TIMD4: variants seen among roughly 807,000 people sequenced by gnomAD.
TIMD4 encodes T-cell immunoglobulin and mucin domain-containing protein 4.
In TIMD4, 31 loss-of-function variants were observed where a neutral mutation model predicts 41.2. That is an observed-to-expected ratio of 0.75 (90% CI 0.57 to 1.01). The LOEUF is 1.01. TIMD4 is among the 50% of genes least tolerant of loss of function. TIMD4 has a pLI of 0.00. For synonymous variants in TIMD4, 204 were observed against 177.1 expected (o/e 1.15, Z -1.21); for missense variants, 479 against 472.5 (o/e 1.01, Z -0.13).
At chr5:156,930,239 G>A (rs549007326) in intron 5 of TIMD4, among the ~76,000 whole-genome samples, 3 of 152,252 alleles carry the variant, frequency 2.0e-5, no homozygotes, top group African/African-American at 7.2e-5. Context: ...GGGATAACAG[G>A]CATGAACCAC....
chr5:156,962,654 G>A (rs1015427682), intron 1 of TIMD4, among the ~76,000 whole-genome samples: 2 of 152,112 alleles, frequency 1.3e-5, no homozygotes, highest in African/African-American at 2.4e-5. Flanking sequence ...AAAACTGAGT[G>A]TGTACACTTG....
chr5:156,947,808 T>C (rs1759771815), intron 5 of TIMD4, among the ~76,000 whole-genome samples: 1 of 152,224 alleles, frequency 6.6e-6, no homozygotes, highest in South Asian at 2.1e-4. Flanking sequence ...ATAACAGTTA[T>C]TATCTCATGG....
At chr5:156,924,055 C>T (rs1759303015) in intron 6 of TIMD4, 2 of 191,902 alleles carry the variant, frequency 1.0e-5, no homozygotes, top group South Asian at 2.0e-4. Context: ...GCCCTGTTGC[C>T]CAGGCTAGAA....
chr5:156,938,960 CTAGCTCCTTAGCTGGCTTAGGAG>C (rs1759589658), intron 5 of TIMD4, among the ~76,000 whole-genome samples: 1 of 152,178 alleles, frequency 6.6e-6, no homozygotes, highest in African/African-American at 2.4e-5. Context: ...GTCTTCCTGT[CTAGCTCCTTAGCTGGCTTAGGAG>C]TAGCTCCTTA....
At position 156,923,143 on chromosome 5, in the gene TIMD4, ATTTTTTTT is replaced by A. The variant is rs375276732; in HGVS notation, c.895-935_895-928del. On this transcript the variant is annotated intron_variant, in intron 6 of 8. Coordinates refer to ENST00000274532, the MANE Select transcript of TIMD4 (RefSeq NM_138379.3). The stretch of plus-strand genomic sequence containing the variant: ...AAGCTCCTGCCATTGCTGGGATTAA[ATTTTTTTT>A]TTTTTTTTTTTTTTTGACACAGAGT... Among the ~76,000 whole-genome samples, 314 of 135,054 alleles carry A rather than the reference ATTTTTTTT, an allele frequency of 2.3e-3. 1 individual carries two copies. Among genetic ancestry groups the A allele is most frequent in the Non-Finnish European group, 3.1e-3 (197 of 62,898 alleles). 88.6% of individuals were successfully genotyped at this position (135,054 alleles called of 152,430 possible).
chr5:156,959,495 T>C (rs1340993533), intron 1 of TIMD4, among the ~76,000 whole-genome samples: 5 of 152,190 alleles, frequency 3.3e-5, no homozygotes, highest in African/African-American at 2.4e-5. Flanking sequence ...AAAGTATCCC[T>C]GAGTAAAGCA....
At chr5:156,948,617 A>C (rs1214762017) in intron 4 of TIMD4, 118 bp from the exon 5 acceptor site, 1 of 475,274 alleles carries the variant, frequency 2.1e-6, no homozygotes, top group Non-Finnish European at 3.4e-6. Flanking sequence ...AAAACAAAAC[A>C]AAGTATGTGC....
rs1190493443 is a variant in TIMD4 at position 156,926,289 on chromosome 5, G to T, written c.868C>A (p.Gln290Lys). Residue 290 changes from glutamine (Q) to lysine (K), a missense_variant, in exon 6 of 9, where the codon CAG (glutamine) becomes AAG (lysine). Physicochemically the swap from Gln to Lys is moderately conservative, Grantham distance 53. Coordinates refer to ENST00000274532, the MANE Select transcript of TIMD4 (RefSeq NM_138379.3). ...PGASDTAVPE[Q>K]NKTTKTGQMD... Reference sequence around the variant, plus strand: ...TGTCCTGTTTTTGTTGTTTTGTTCTGCTCAGGAACTGCTGTATCAGATGCT... The same window carrying T: ...TGTCCTGTTTTTGTTGTTTTGTTCTTCTCAGGAACTGCTGTATCAGATGCT... The T allele has an allele frequency of 6.2e-7, 1 of 1,613,498 alleles. No homozygotes were observed. The highest frequency in any genetic ancestry group is 2.2e-5 in the East Asian group (1 of 44,836).
In TIMD4 at chr5:156,951,573, C is replaced by T. The variant is rs143229828; in HGVS notation, c.618G>A (p.Pro206=). 130 of 1,614,084 alleles carry T rather than the reference C, an allele frequency of 8.1e-5. No homozygotes were observed. In the African/African-American group the frequency reaches 1.6e-3, roughly 19 times the overall value. ...GAGTCAGAAGACCTGTGGCTTCCTC[C>T]GGAAGGGTGCTTGGGGTTAGTGAAA... ...TCLSLTPSTL[P]EEATGLLTPE... Residue 206 remains proline, a synonymous_variant, in exon 3 of 9, where the codon CCG becomes CCA. Transcript: ENST00000274532.
intron 8 of TIMD4, 110 bp downstream of exon 8, chr5:156,920,354 C>G: frequency 8.3e-7 from 1 of 1,208,328 alleles, no homozygotes; most frequent in South Asian, 1.3e-5. Context: ...CTTTCCAACT[C>G]TATGTGTAAT....
At chr5:156,937,019 A>G in intron 5 of TIMD4, among the ~76,000 whole-genome samples, 1 of 151,982 alleles carries the variant, frequency 6.6e-6, no homozygotes, top group Non-Finnish European at 1.5e-5. Flanking sequence ...TCTAATAATC[A>G]TTATTATCGA....
chr5:156,960,501 A>T (rs1760059733), intron 1 of TIMD4, among the ~76,000 whole-genome samples: 1 of 145,494 alleles, frequency 6.9e-6, no homozygotes, highest in South Asian at 2.1e-4. Context: ...CTGCCTCTCT[A>T]GTTCAAGCGA....
chr5:156,940,642 A>G (rs571201658), intron 5 of TIMD4, among the ~76,000 whole-genome samples: 89 of 138,818 alleles, frequency 6.4e-4, no homozygotes, highest in African/African-American at 2.5e-3. Flanking sequence ...CTACCCGGCC[A>G]CCACCCCATC....
intron 7 of TIMD4, 82 bp from the exon 8 acceptor site, chr5:156,920,585 C>G: frequency 6.8e-7 from 1 of 1,463,084 alleles, no homozygotes; most frequent in Non-Finnish European, 9.6e-7. Flanking sequence ...CCAGTGCTGC[C>G]CCGCAAAGAG....
chr5:156,924,563 C>G (rs144148585), intron 6 of TIMD4: 145 of 316,428 alleles, frequency 4.6e-4, no homozygotes, highest in African/African-American at 2.8e-3. Context: ...CAGCCTCTAT[C>G]CATTATCCAC....
At chr5:156,947,268 A>C (rs1311569466) in intron 5 of TIMD4, among the ~76,000 whole-genome samples, 2 of 152,246 alleles carry the variant, frequency 1.3e-5, no homozygotes, top group Non-Finnish European at 2.9e-5. Flanking sequence ...ATAAGATTGA[A>C]AAAGTTAAAC....
Position 156,962,555 on chromosome 5 carries a change from G to A in TIMD4, c.58+586C>T, listed in dbSNP as rs114182568. ...CCAGAGCAATTTAGACATATTCCCA[G>A]TGTCAACAGTTAGTGCCCGAGACGC... On this transcript the variant is annotated intron_variant, in intron 1 of 8. Transcript: ENST00000274532. Among the ~76,000 whole-genome samples, 1,482 of 152,242 alleles carry A rather than the reference G, an allele frequency of 9.7e-3. 9 individuals are homozygous for A. Among genetic ancestry groups the A allele is most frequent in the Non-Finnish European group, 0.016 (1,065 of 68,026 alleles).
chr5:156,935,008 T>G (rs921018196), intron 5 of TIMD4, among the ~76,000 whole-genome samples: 1 of 152,200 alleles, frequency 6.6e-6, no homozygotes, highest in Non-Finnish European at 1.5e-5. Flanking sequence ...AAGTGACAAG[T>G]GCAAGCCTTC....
intron 2 of TIMD4, among the ~76,000 whole-genome samples, chr5:156,952,826 T>G (rs1262098350): frequency 2.0e-5 from 3 of 152,232 alleles, no homozygotes; most frequent in Non-Finnish European, 4.4e-5. Flanking sequence ...CCAATAACTA[T>G]CACAGTGTCT....
Sources: gnomAD v4.1 joint callset for allele counts (sites outside exome capture counted in the v4.1 genomes callset) on GRCh38, gnomAD v4.1.1 for gene constraint, MANE v1.5 for transcripts, NCBI Gene and HGNC (gene_info 2026-07-23, HGNC 2026-07-21) for gene names.